The following OTC variants were observed in gnomAD, a reference collection of about 807,000 sequenced individuals.
OTC encodes the protein ornithine transcarbamylase, mitochondrial.
Under a neutral mutation model 30.3 loss-of-function variants are expected in OTC, and 3 were observed. The ratio of observed to expected loss-of-function variants is 0.10; its 90% CI spans 0.05 to 0.26. OTC has a LOEUF of 0.26. OTC is among the 10% of genes least tolerant of loss of function. The pLI, the probability that OTC is intolerant of heterozygous loss-of-function variation, is 1.00. For missense variants in OTC, 194 were observed against 260.3 expected (o/e 0.75, Z 1.75); for synonymous variants, 111 against 99.7 (o/e 1.11, Z -0.67).
chrX:38,342,011 C>CTTTTTTTTTTT, the OTC span, among the ~76,000 whole-genome samples: 3 of 28,591 alleles, frequency 1.0e-4, no homozygotes, highest in African/African-American at 1.7e-4. Context: ...TTAAATTTCA[C>CTTTTTTTTTTT]TTTTTTTTTT....
intron 6 of OTC, among the ~76,000 whole-genome samples, chrX:38,407,998 G>C (rs57789991): frequency 0.036 from 4,048 of 111,761 alleles, 165 homozygotes; most frequent in East Asian, 0.14. Flanking sequence ...CTAGGGTGCA[G>C]AATTTGTGCA....
intron 3 of OTC, among the ~76,000 whole-genome samples, chrX:38,376,745 C>T (rs1602018506): frequency 8.9e-6 from 1 of 111,765 alleles, no homozygotes; most frequent in Non-Finnish European, 1.9e-5. Flanking sequence ...AAAGACAAGG[C>T]CATTATGTAA....
At chrX:38,390,183 A>T (rs1176703941) in intron 4 of OTC, among the ~76,000 whole-genome samples, 2 of 112,363 alleles carry the variant, frequency 1.8e-5, no homozygotes, top group Non-Finnish European at 1.9e-5. Flanking sequence ...TTTATTCAAC[A>T]TCTCTGGCTT....
At chrX:38,357,044 G>A (rs2068245643) in intron 1 of OTC, among the ~76,000 whole-genome samples, 1 of 111,144 alleles carries the variant, frequency 9.0e-6, no homozygotes, top group Non-Finnish European at 1.9e-5. Context: ...TTAAAGTTAG[G>A]CCACTGAAAA....
At chrX:38,337,474 C>T in the OTC span, among the ~76,000 whole-genome samples, 1 of 111,708 alleles carries the variant, frequency 9.0e-6, no homozygotes, top group Non-Finnish European at 1.9e-5. Context: ...CTTGTTCCTT[C>T]CATGTCCCTA....
intron 3 of OTC, among the ~76,000 whole-genome samples, chrX:38,371,921 G>A (rs1335624243): frequency 1.8e-5 from 2 of 111,882 alleles, no homozygotes; most frequent in Non-Finnish European, 3.8e-5. Context: ...GAGTTGGGTA[G>A]AATTTTATTT....
chrX:38,419,575 AT>A (rs200010330), intron 9 of OTC, among the ~76,000 whole-genome samples: 1,544 of 111,453 alleles, frequency 0.014, 29 homozygotes, highest in African/African-American at 0.046. Flanking sequence ...TACCTAAGTA[AT>A]TTTTTGTTGC....
chrX:38,391,054 T>A (rs1052555866), intron 4 of OTC, among the ~76,000 whole-genome samples: 1 of 111,438 alleles, frequency 9.0e-6, no homozygotes, highest in Non-Finnish European at 1.9e-5. Context: ...GCAACCATCC[T>A]TTTCATGGAG....
chrX:38,330,151 A>C, the OTC span, among the ~76,000 whole-genome samples: 1 of 111,813 alleles, frequency 8.9e-6, no homozygotes, highest in Non-Finnish European at 1.9e-5. Context: ...GTGAAGATGC[A>C]GGAGTGGTCA....
chrX:38,416,202 G>A (rs747464325), intron 9 of OTC, among the ~76,000 whole-genome samples: 1 of 112,006 alleles, frequency 8.9e-6, no homozygotes, highest in South Asian at 3.7e-4. Context: ...TTTTAAAGCA[G>A]AAGTGTCCTC....
chrX:38,372,061 A>G (rs1201243705), intron 3 of OTC, among the ~76,000 whole-genome samples: 2 of 112,457 alleles, frequency 1.8e-5, no homozygotes, highest in African/African-American at 6.5e-5. Context: ...TTTTTTTAAA[A>G]GGGATTTTGC....
the OTC span, among the ~76,000 whole-genome samples, chrX:38,341,271 A>G: frequency 8.9e-6 from 1 of 112,088 alleles, no homozygotes. Context: ...ATAAGAAAAA[A>G]TACCTCGTAG....
chrX:38,408,892 T>C lies in OTC; in HGVS notation c.734T>C (p.Leu245Ser). 1 of 1,211,293 alleles carries C rather than the reference T, an allele frequency of 8.3e-7. No individual in the cohort carries two copies. ...QYAKENGTKL[L>S]LTNDPLEAAH... ...GTATGCTAGAATGGTACCAAGCTGTTGCTGACAAATGATCCATTGGAAGCA... is the reference window on the plus strand; with the variant it reads ...GTATGCTAGAATGGTACCAAGCTGTCGCTGACAAATGATCCATTGGAAGCA... Residue 245 changes from leucine (L) to serine (S), a missense_variant, in exon 8 of 10, where the codon TTG becomes TCG. Coordinates refer to ENST00000039007, the MANE Select transcript of OTC (RefSeq NM_000531.6).
intron 1 of OTC, among the ~76,000 whole-genome samples, chrX:38,353,925 G>A (rs955752538): frequency 4.5e-5 from 5 of 111,691 alleles, no homozygotes; most frequent in African/African-American, 1.6e-4. Flanking sequence ...GAATGACTGT[G>A]GGGTTTACCA....
chrX:38,368,869 G>A (rs760394759), intron 2 of OTC, among the ~76,000 whole-genome samples: 2 of 106,985 alleles, frequency 1.9e-5, no homozygotes, highest in African/African-American at 6.9e-5. Context: ...GATGAGGGAG[G>A]TTAGCTGGCA....
At chrX:38,390,883 A>G (rs372460796) in intron 4 of OTC, among the ~76,000 whole-genome samples, 87 of 112,155 alleles carry the variant, frequency 7.8e-4, no homozygotes, top group African/African-American at 2.6e-3. Context: ...TCCTGGGGTC[A>G]TGAGAGGCTT....
intron 9 of OTC, among the ~76,000 whole-genome samples, chrX:38,420,085 A>T (rs746590145): frequency 9.0e-6 from 1 of 111,546 alleles, no homozygotes; most frequent in East Asian, 2.8e-4. Flanking sequence ...TGCACATTGT[A>T]TACATATATC....
upstream of OTC, among the ~76,000 whole-genome samples, chrX:38,351,393 T>C (rs1449863175): frequency 1.8e-5 from 2 of 111,673 alleles, no homozygotes; most frequent in Non-Finnish European, 3.8e-5. Flanking sequence ...TCCTTCCTCC[T>C]ACCCTTCCTA....
chrX:38,420,877 TC>T (rs1417500278), intron 9 of OTC, 145 bp from the exon 10 acceptor site: 7 of 470,351 alleles, frequency 1.5e-5, no homozygotes, highest in African/African-American at 1.2e-4. Flanking sequence ...AAATATTAGT[TC>T]AGAACTGTTC....
Sources: allele counts gnomAD v4.1 joint callset (sites outside exome capture counted in the v4.1 genomes callset), GRCh38; gene constraint gnomAD v4.1.1; transcripts MANE v1.5; gene names NCBI Gene and HGNC (gene_info 2026-07-23, HGNC 2026-07-21).